AUTS2: variants seen among roughly 807,000 people sequenced by gnomAD.
AUTS2 encodes the protein activator of transcription and developmental regulator AUTS2.
Under a neutral mutation model 112.4 loss-of-function variants are expected in AUTS2, and 17 were observed. The ratio of observed to expected loss-of-function variants is 0.15; its 90% CI spans 0.10 to 0.23. The LOEUF (loss-of-function observed/expected upper bound fraction) is 0.23, where lower values mean the gene tolerates loss of function less well. Ranked by LOEUF, AUTS2 falls within the 10% of genes least tolerant of loss-of-function variation. The pLI is 1.00. For missense variants in AUTS2, 1,510 were observed against 1,701.6 expected (o/e 0.89, Z 1.98); for synonymous variants, 751 against 702.7 (o/e 1.07, Z -1.09).
At chr7:70,458,744 C>T (rs750746037) in intron 5 of AUTS2, among the ~76,000 whole-genome samples, 1 of 152,132 alleles carries the variant, frequency 6.6e-6, no homozygotes, top group Non-Finnish European at 1.5e-5. Context: ...AACCCAAACA[C>T]GGAAAAGCCA....
chr7:70,174,797 G>A (rs771860358), intron 4 of AUTS2, among the ~76,000 whole-genome samples: 29 of 152,064 alleles, frequency 1.9e-4, no homozygotes, highest in Non-Finnish European at 3.5e-4. Context: ...CTACTGCTTG[G>A]AAAAAAAGAT....
chr7:70,010,854 G>T (rs1799771005), intron 2 of AUTS2, among the ~76,000 whole-genome samples: 1 of 152,102 alleles, frequency 6.6e-6, no homozygotes, highest in Non-Finnish European at 1.5e-5. Flanking sequence ...ACTTCACCTG[G>T]ACATCTGTGG....
At chr7:70,577,600 A>G (rs1170993506) in intron 5 of AUTS2, among the ~76,000 whole-genome samples, 3 of 152,226 alleles carry the variant, frequency 2.0e-5, no homozygotes, top group Admixed American at 1.3e-4. Context: ...GTCTGAGATT[A>G]TTGTCATTTT....
At chr7:70,569,462 A>G (rs1161637565) in intron 5 of AUTS2, among the ~76,000 whole-genome samples, 1 of 152,226 alleles carries the variant, frequency 6.6e-6, no homozygotes, top group East Asian at 1.9e-4. Flanking sequence ...CAAAGACTAA[A>G]CATTGCATTT....
rs147026759 is a variant in AUTS2, at chr7:70,030,985, A to G, written c.523-87147A>G. Among the ~76,000 whole-genome samples, 20 of 152,246 alleles carry G rather than the reference A, an allele frequency of 1.3e-4. No individual in the cohort carries two copies. In the East Asian group the frequency reaches 3.7e-3, roughly 28 times the overall value. On this transcript the variant is annotated intron_variant, in intron 2 of 18. Coordinates refer to ENST00000342771, the MANE Select transcript of AUTS2 (RefSeq NM_015570.4). ...CTTGGCTTTTCTGTGGTGTAAAACTATCTTTTAGGAGCCACAAAATGCTAT... is the reference window on the plus strand; with the variant it reads ...CTTGGCTTTTCTGTGGTGTAAAACTGTCTTTTAGGAGCCACAAAATGCTAT...
At chr7:70,042,402 T>A (rs1314776195) in intron 2 of AUTS2, among the ~76,000 whole-genome samples, 1 of 152,162 alleles carries the variant, frequency 6.6e-6, no homozygotes, top group Non-Finnish European at 1.5e-5. Flanking sequence ...GGAGTGATAA[T>A]GGTTTTTAAG....
intron 4 of AUTS2, among the ~76,000 whole-genome samples, chr7:70,290,093 T>A (rs1461185528): frequency 6.6e-6 from 1 of 152,180 alleles, no homozygotes; most frequent in East Asian, 1.9e-4. Context: ...GTGAAAAATC[T>A]TGTGTATGAA....
At chr7:70,338,850 T>G (rs1426504354) in intron 4 of AUTS2, among the ~76,000 whole-genome samples, 1 of 148,126 alleles carries the variant, frequency 6.8e-6, no homozygotes, top group Non-Finnish European at 1.5e-5. Context: ...ATTTATTTAT[T>G]TATTTATTTA....
chr7:69,691,404 A>G lies in AUTS2; in HGVS notation c.309+91442A>G, dbSNP rs1404797739. 3.3e-5 allele frequency among the ~76,000 whole-genome samples: 5 copies of G among 151,908 alleles called. No individual in the cohort carries two copies. The East Asian group carries it at 5.8e-4, about 18-fold the overall frequency. On this transcript the variant is annotated intron_variant, in intron 1 of 18. Coordinates refer to ENST00000342771, the MANE Select transcript of AUTS2 (RefSeq NM_015570.4). ...GAGGGGTGTCTGCAGACCCATGCCA[A>G]GCTACCCTCAGCACCCACCCCCATC... is the stretch of plus-strand genomic sequence containing the variant.
At position 70,790,036 on chromosome 7, in the gene AUTS2, G is replaced by C. The variant is rs148406339; in HGVS notation, c.2820G>C (p.Pro940=). 6.3e-4 allele frequency: 993 copies of C among 1,582,368 alleles called. No individual in the cohort carries two copies. Among genetic ancestry groups the C allele is most frequent in the South Asian group, 1.3e-3 (112 of 87,540 alleles). The change falls in exon 19 of 19, where the codon CCG becomes CCC. Residue 940 remains proline, a synonymous_variant. Transcript: ENST00000342771. The surrounding 1 kb of genome is among the most constrained non-coding windows in gnomAD (Gnocchi z 7.6). ...AGGCCAAGCAGCTGGCCCGGGTGCC[G>C]TCTCCCTACGTGCGGACCCCGGTGG... ...GEEAKQLARV[P]SPYVRTPVVE...
chr7:70,080,133 G>A (rs2129564557), intron 2 of AUTS2, among the ~76,000 whole-genome samples: 1 of 152,208 alleles, frequency 6.6e-6, no homozygotes, highest in East Asian at 1.9e-4. Flanking sequence ...TCCAAATTTG[G>A]TCATTTGTTT....
At chr7:70,517,165 C>T (rs1012497663) in intron 5 of AUTS2, among the ~76,000 whole-genome samples, 1 of 152,168 alleles carries the variant, frequency 6.6e-6, no homozygotes, top group Non-Finnish European at 1.5e-5. Context: ...TATAACCGGA[C>T]TTGAAAGAGA....
intron 14 of AUTS2, among the ~76,000 whole-genome samples, chr7:70,778,439 G>A (rs1206805335): frequency 6.6e-6 from 1 of 152,080 alleles, no homozygotes; most frequent in African/African-American, 2.4e-5. Context: ...GAAGAGACAT[G>A]TTTTTAAAAG....
At position 70,662,092 on chromosome 7, in the gene AUTS2, C is replaced by T. The variant is rs144946073; in HGVS notation, c.691-36477C>T. On this transcript the variant is annotated intron_variant, in intron 5 of 18. Transcript: ENST00000342771. The stretch of plus-strand genomic sequence containing the variant: ...GAGATGTGGGCCAGGTGGGGGCTGT[C>T]GGCCCTTCCCACAGGCCCAGGCAGC... 2.8e-4 allele frequency among the ~76,000 whole-genome samples: 42 copies of T among 152,250 alleles called. No homozygotes were observed. In the East Asian group the frequency reaches 7.4e-3, roughly 27 times the overall value.
rs1236695477 is a variant in AUTS2, at chr7:70,347,747, G to T, written c.661-88005G>T. Reference sequence around the variant, plus strand: ...ATACAAATTGGATGTCTTCTGCAGGGCTTTGCACAGTCCCCTCAGCACCCA... The same window carrying T: ...ATACAAATTGGATGTCTTCTGCAGGTCTTTGCACAGTCCCCTCAGCACCCA... On this transcript the variant is annotated intron_variant, in intron 4 of 18. Transcript: ENST00000342771. Among the ~76,000 whole-genome samples, 3 of 152,266 alleles carry T rather than the reference G, an allele frequency of 2.0e-5. No individual in the cohort carries two copies. The South Asian group carries it at 6.2e-4, about 32-fold the overall frequency.
intron 14 of AUTS2, among the ~76,000 whole-genome samples, chr7:70,780,311 C>G (rs565700233): frequency 4.6e-4 from 70 of 152,244 alleles, no homozygotes; most frequent in African/African-American, 1.5e-3. Flanking sequence ...GATTAAGACC[C>G]AATTTCTACT....
At chr7:70,079,579 C>A (rs572711883) in intron 2 of AUTS2, among the ~76,000 whole-genome samples, 17 of 152,102 alleles carry the variant, frequency 1.1e-4, no homozygotes, top group Non-Finnish European at 2.2e-4. Flanking sequence ...ATTCAAAATT[C>A]ATCACTTCCT....
At chr7:70,264,897 C>G (rs966884889) in intron 4 of AUTS2, among the ~76,000 whole-genome samples, 2 of 152,172 alleles carry the variant, frequency 1.3e-5, no homozygotes, top group East Asian at 3.8e-4. Flanking sequence ...CTTAGACCCT[C>G]TCTTTTATAA....
intron 4 of AUTS2, among the ~76,000 whole-genome samples, chr7:70,194,016 C>G (rs1188405797): frequency 6.6e-6 from 1 of 152,062 alleles, no homozygotes; most frequent in African/African-American, 2.4e-5. Context: ...CCTGATTTAC[C>G]AAAATCTGTG....
Sources: gnomAD v4.1 joint callset for allele counts (sites outside exome capture counted in the v4.1 genomes callset) on GRCh38, gnomAD v4.1.1 for gene constraint, Gnocchi (gnomAD v3.1) non-coding constraint, MANE v1.5 for transcripts, NCBI Gene and HGNC (gene_info 2026-07-23, HGNC 2026-07-21) for gene names.